SWAP70: variants seen among roughly 807,000 people sequenced by gnomAD.
The protein encoded by SWAP70 is switch-associated protein 70.
In SWAP70, 34 loss-of-function variants were observed where a neutral mutation model predicts 80.2. The observed-to-expected ratio is 0.42, with a 90% CI of 0.32 to 0.56. The LOEUF is 0.56. SWAP70 is among the 20% of genes least tolerant of loss of function. The pLI, the probability that SWAP70 is intolerant of heterozygous loss-of-function variation, is 0.09. For missense variants in SWAP70, 578 were observed against 690.7 expected (o/e 0.84, Z 1.83); for synonymous variants, 239 against 238.5 (o/e 1.00, Z -0.02).
chr11:9,749,004 T>C (rs1851547873), intron 10 of SWAP70, 83 bp from the exon 11 acceptor site: 4 of 732,770 alleles, frequency 5.5e-6, no homozygotes, highest in East Asian at 3.1e-5. Flanking sequence ...AATTCACAAA[T>C]ACATAGTAAG....
Position 9,672,185 on chromosome 11 carries a change from A to G in SWAP70, c.99+7907A>G, listed in dbSNP as rs12575117. Among the ~76,000 whole-genome samples the G allele has an allele frequency of 3.2e-5, 3 of 93,738 alleles. No individual in the cohort carries two copies. In the South Asian group the frequency reaches 1.2e-3, roughly 37 times the overall value. 61.5% of individuals were successfully genotyped at this position (93,738 alleles called of 152,430 possible). ...TATATTTAAATATATATATACATAT[A>G]TGTGTGTGTCTATATATATATATAT... is the stretch of plus-strand genomic sequence containing the variant. On this transcript the variant is annotated intron_variant, in intron 1 of 11. Transcript: ENST00000318950.
At chr11:9,707,649 G>T (rs1400840203) in intron 2 of SWAP70, among the ~76,000 whole-genome samples, 1 of 150,404 alleles carries the variant, frequency 6.6e-6, no homozygotes, top group African/African-American at 2.4e-5. Flanking sequence ...TCCACCTCTG[G>T]GGTTCAAGTG....
Position 9,705,133 on chromosome 11 carries a change from G to C in SWAP70, c.241-8333G>C, listed in dbSNP as rs1184495441. Among the ~76,000 whole-genome samples the C allele has an allele frequency of 2.1e-5, 3 of 142,590 alleles. No individual in the cohort carries two copies. In the East Asian group the frequency reaches 6.1e-4, roughly 29 times the overall value. 93.5% of individuals were successfully genotyped at this position (142,590 alleles called of 152,430 possible). A position where few individuals can be genotyped will look rare whatever the true frequency, so the allele number is the denominator to read the frequency against. On this transcript the variant is annotated intron_variant, in intron 2 of 11. Transcript: ENST00000318950. ...GTGATCTGTATACACTTGGTGATCTGTATACACTGGTGATCTGTATGCACT... is the reference window on the plus strand; with the variant it reads ...GTGATCTGTATACACTTGGTGATCTCTATACACTGGTGATCTGTATGCACT...
At chr11:9,729,229 T>C in intron 5 of SWAP70, 114 bp from the exon 6 acceptor site, 1 of 696,882 alleles carries the variant, frequency 1.4e-6, no homozygotes, top group Non-Finnish European at 2.5e-6. Context: ...GTAATATGAA[T>C]TTATAGGTAT....
At position 9,750,028 on chromosome 11, in the gene SWAP70, C is replaced by T. The variant is rs140325744; in HGVS notation, c.*58C>T. 1.1e-4 allele frequency: 135 copies of T among 1,245,768 alleles called. No individual in the cohort carries two copies. The East Asian group carries it at 2.6e-3, about 24-fold the overall frequency. The allele number at this position is 1,245,768 out of a possible 1,614,324, so 77.2% of individuals were successfully genotyped here. A position where few individuals can be genotyped will look rare whatever the true frequency, so the allele number is the denominator to read the frequency against. On this transcript the variant is annotated 3_prime_UTR_variant, in exon 12 of 12. Transcript: ENST00000318950. Reference sequence around the variant, plus strand: ...GATACTGCATGGCAGGAGAGCTTTACGCTAAAGACAAAAGAAACAGCTTTG... The same window carrying T: ...GATACTGCATGGCAGGAGAGCTTTATGCTAAAGACAAAAGAAACAGCTTTG...
intron 9 of SWAP70, among the ~76,000 whole-genome samples, chr11:9,745,138 C>T (rs1851496240): frequency 2.6e-5 from 4 of 152,150 alleles, no homozygotes; most frequent in Admixed American, 2.0e-4. Flanking sequence ...TGATATAATA[C>T]TTTTCATATA....
intron 4 of SWAP70, among the ~76,000 whole-genome samples, chr11:9,726,250 C>T (rs28610066): frequency 6.6e-6 from 1 of 152,150 alleles, no homozygotes; most frequent in South Asian, 2.1e-4. Flanking sequence ...CCCAGCATAG[C>T]AGATGAAGCT....
At position 9,713,553 on chromosome 11, in the gene SWAP70, A is replaced by G. The variant is rs1338217889; in HGVS notation, c.328A>G (p.Ile110Val). ...AAACCTCACAAAGAATCCCCTGCTC[A>G]TTACAGAAGAAGATGCATTTAAAAT... ...KKNLTKNPLLITEEDAFKIWV... is the reference protein window; with the variant it reads ...KKNLTKNPLLVTEEDAFKIWV... Residue 110 changes from isoleucine (I) to valine (V), a missense_variant, in exon 3 of 12, where the codon ATT (isoleucine) becomes GTT (valine). Transcript: ENST00000318950. 1.1e-5 allele frequency: 17 copies of G among 1,613,982 alleles called. No individual in the cohort carries two copies. The highest frequency in any genetic ancestry group is 1.4e-5 in the Non-Finnish European group (17 of 1,179,982).
chr11:9,716,781 G>C (rs535058624), intron 3 of SWAP70, among the ~76,000 whole-genome samples: 2 of 152,306 alleles, frequency 1.3e-5, no homozygotes, highest in East Asian at 1.9e-4. Flanking sequence ...TGAGAGGCCA[G>C]GGCTGGAGAC....
chr11:9,734,650 T>G (rs933631680), intron 7 of SWAP70, among the ~76,000 whole-genome samples: 2 of 152,204 alleles, frequency 1.3e-5, no homozygotes, highest in Non-Finnish European at 2.9e-5. Flanking sequence ...ATTAAATTTA[T>G]TTATTTTGAG....
chr11:9,697,747 T>A (rs531174573), intron 2 of SWAP70, among the ~76,000 whole-genome samples: 5 of 152,250 alleles, frequency 3.3e-5, no homozygotes, highest in Non-Finnish European at 7.3e-5. Context: ...TATGCACGCC[T>A]ATGTATATGT....
intron 7 of SWAP70, among the ~76,000 whole-genome samples, chr11:9,735,205 G>A (rs1391874734): frequency 1.3e-5 from 2 of 152,080 alleles, no homozygotes; most frequent in African/African-American, 4.8e-5. Flanking sequence ...CCAAGGTAAG[G>A]AAATATGAAT....
At chr11:9,664,623 A>G (rs772738366) in intron 1 of SWAP70, among the ~76,000 whole-genome samples, 1 of 152,160 alleles carries the variant, frequency 6.6e-6, no homozygotes, top group Admixed American at 6.5e-5. Flanking sequence ...TGAGGCGGCA[A>G]TGGGAAGCTC....
chr11:9,707,552 C>CTTTTTTTTTTTTTTTTTTTTTT (rs200003596), intron 2 of SWAP70, among the ~76,000 whole-genome samples: 1 of 132,280 alleles, frequency 7.6e-6, no homozygotes, highest in African/African-American at 2.8e-5. Context: ...TTTTCTTTTT[C>CTTTTTTTTTTTTTTTTTTTTTT]TTTTCTTTTT....
chr11:9,683,847 G>A (rs1248841251), intron 1 of SWAP70, among the ~76,000 whole-genome samples: 3 of 152,158 alleles, frequency 2.0e-5, no homozygotes, highest in African/African-American at 4.8e-5. Flanking sequence ...GGGCATCTGA[G>A]TGGTGCATCT....
intron 6 of SWAP70, 30 bp from the exon 7 acceptor site, chr11:9,732,499 A>ATTTTTT: frequency 7.1e-7 from 1 of 1,399,802 alleles, no homozygotes; most frequent in Admixed American, 2.1e-5. Flanking sequence ...ATATCTCCCC[A>ATTTTTT]TTTTTTTTTT....
chr11:9,720,858 C>T (rs2133802096), intron 3 of SWAP70, among the ~76,000 whole-genome samples: 1 of 152,262 alleles, frequency 6.6e-6, no homozygotes, highest in Middle Eastern at 3.4e-3. Flanking sequence ...CTCTGTCTCC[C>T]AGGCTGGAGC....
rs1435758925 is a variant in SWAP70, at chr11:9,664,254, C to G, written c.75C>G (p.Gly25=). 6.3e-7 allele frequency: 1 copy of G among 1,586,608 alleles called. No individual in the cohort carries two copies. Among genetic ancestry groups the G allele is most frequent in the Admixed American group, 1.8e-5 (1 of 56,630 alleles). The change falls in exon 1 of 12, where the codon GGC becomes GGG. Residue 25 remains glycine, a synonymous_variant. Transcript: ENST00000318950. ...CCGCACTCGACCAGGACCACAGCGG[C>G]AAGGTCTCCAAGTCCCAGCTCAAGG... is the stretch of plus-strand genomic sequence containing the variant. ...AFTALDQDHS[G]KVSKSQLKVL...
chr11:9,748,940 G>A, intron 10 of SWAP70, 147 bp from the exon 11 acceptor site: 1 of 411,606 alleles, frequency 2.4e-6, no homozygotes, highest in Admixed American at 3.8e-5. Context: ...CTGTACAATG[G>A]GGTAATAGTA....
Sources: gnomAD v4.1 joint callset for allele counts (sites outside exome capture counted in the v4.1 genomes callset) on GRCh38, gnomAD v4.1.1 for gene constraint, MANE v1.5 for transcripts, NCBI Gene and HGNC (gene_info 2026-07-23, HGNC 2026-07-21) for gene names.